PPP1R12B: variants seen among roughly 807,000 people sequenced by gnomAD.
PPP1R12B encodes protein phosphatase 1 regulatory subunit 12B.
In PPP1R12B, 76 loss-of-function variants were observed where a neutral mutation model predicts 126.1. That is an observed-to-expected ratio of 0.60 (90% CI 0.50 to 0.73). The LOEUF is 0.73. Ranked by LOEUF, PPP1R12B falls within the 30% of genes least tolerant of loss-of-function variation. The pLI, the probability that PPP1R12B is intolerant of heterozygous loss-of-function variation, is 0.00. For synonymous variants in PPP1R12B, 356 were observed against 434.7 expected, an observed-to-expected ratio of 0.82 and a Z score of 2.25; for missense variants, 1,052 against 1,205.1, an observed-to-expected ratio of 0.87 and a Z score of 1.88.
chr1:202,363,248 A>G (rs1235133639), intron 1 of PPP1R12B, among the ~76,000 whole-genome samples: 1 of 152,216 alleles, frequency 6.6e-6, no homozygotes, highest in Non-Finnish European at 1.5e-5. Flanking sequence ...CAAACATGGC[A>G]TACAACTGTG....
At chr1:202,461,441 A>G (rs1674301045) in intron 13 of PPP1R12B, among the ~76,000 whole-genome samples, 1 of 152,186 alleles carries the variant, frequency 6.6e-6, no homozygotes, top group Non-Finnish European at 1.5e-5. Context: ...CTACAAAACA[A>G]TTTAGAGATA....
intron 23 of PPP1R12B, among the ~76,000 whole-genome samples, chr1:202,571,881 G>A (rs1688645812): frequency 6.6e-6 from 1 of 152,162 alleles, no homozygotes; most frequent in Middle Eastern, 3.4e-3. Flanking sequence ...AACACTATTT[G>A]CTCAAATCAA....
At chr1:202,426,536 C>CAGA (rs1669534457) in intron 4 of PPP1R12B, among the ~76,000 whole-genome samples, 1 of 152,126 alleles carries the variant, frequency 6.6e-6, no homozygotes, top group Non-Finnish European at 1.5e-5. Flanking sequence ...AAAGACCAAC[C>CAGA]AGAAGGCTAG....
chr1:202,428,900 T>G lies in PPP1R12B; in HGVS notation c.892T>G (p.Leu298Val), dbSNP rs934145947. The G allele has an allele frequency of 2.7e-5, 43 of 1,608,240 alleles. 1 individual carries two copies. Among genetic ancestry groups the G allele is most frequent in the Admixed American group, 1.7e-5 (1 of 58,500 alleles). ...GGCTGATGAGGGTCTCGTGGAGCAT[T>G]TGGAGTTGCTCCAGAAGAAGCAGAA... Reference protein sequence around the residue: ...DVADEGLVEHLELLQKKQNVL... With the variant: ...DVADEGLVEHVELLQKKQNVL... Residue 298 changes from leucine (L) to valine (V), a missense_variant, in exon 6 of 24, where the codon TTG (leucine) becomes GTG (valine). Transcript: ENST00000608999.
chr1:202,517,934 A>AT (rs549082034), intron 18 of PPP1R12B, among the ~76,000 whole-genome samples: 489 of 152,224 alleles, frequency 3.2e-3, no homozygotes, highest in Non-Finnish European at 5.5e-3. Context: ...CCAAAGTAAC[A>AT]TTTTTTTACC....
intron 1 of PPP1R12B, among the ~76,000 whole-genome samples, chr1:202,377,334 G>A (rs1239243481): frequency 1.4e-5 from 2 of 144,470 alleles, no homozygotes; most frequent in Non-Finnish European, 3.0e-5. Flanking sequence ...TTTTTTTTTC[G>A]CTCTGTCGCC....
rs200232876 is a variant in PPP1R12B, at chr1:202,559,570, A to G, written c.2507+677A>G. Among the ~76,000 whole-genome samples the G allele has an allele frequency of 2.6e-5, 4 of 152,236 alleles. No individual in the cohort carries two copies. The East Asian group carries it at 5.8e-4, about 22-fold the overall frequency. On this transcript the variant is annotated intron_variant, in intron 19 of 23. Transcript: ENST00000608999. ...TCTGAAAGAAGAAACTAAATAAAAAATAATAGACTATAGAGCCAAAAGTTG... is the reference window on the plus strand; with the variant it reads ...TCTGAAAGAAGAAACTAAATAAAAAGTAATAGACTATAGAGCCAAAAGTTG...
chr1:202,582,946 C>T lies in PPP1R12B; in HGVS notation c.*2386C>T, dbSNP rs1689632991. 6.6e-6 allele frequency: 1 copy of T among 152,050 alleles called. No homozygotes were observed. The highest frequency in any genetic ancestry group is 1.5e-5 in the Non-Finnish European group (1 of 67,996). 9.4% of individuals were successfully genotyped at this position (152,050 alleles called of 1,614,324 possible). A position where few individuals can be genotyped will look rare whatever the true frequency, so the allele number is the denominator to read the frequency against. On this transcript the variant is annotated 3_prime_UTR_variant, in exon 24 of 24. Transcript: ENST00000608999. ...AATTACAGAACAGGAGATATGTTTC[C>T]TCTGACAAAACCCCATTTTTAGAGT...
Position 202,495,488 on chromosome 1 carries a change from T to C in PPP1R12B, c.2335+6T>C. 1.2e-6 allele frequency: 2 copies of C among 1,607,216 alleles called. No individual in the cohort carries two copies. Among genetic ancestry groups the C allele is most frequent in the South Asian group, 1.1e-5 (1 of 90,274 alleles). ...AAAGGAAATGGACAAAAATGGTATG[T>C]AGAACTTCAAAAGACACAGGCCCCT... On this transcript the variant is annotated splice_donor_region_variant and intron_variant, in intron 16 of 23. Transcript: ENST00000608999.
chr1:202,536,162 G>A (rs773733614), intron 18 of PPP1R12B, among the ~76,000 whole-genome samples: 3 of 152,126 alleles, frequency 2.0e-5, no homozygotes, highest in East Asian at 1.9e-4. Flanking sequence ...ATATGGTCAC[G>A]AGTCCCTTAA....
At chr1:202,432,240 CTAT>C (rs1245807201) in intron 8 of PPP1R12B, among the ~76,000 whole-genome samples, 1 of 151,690 alleles carries the variant, frequency 6.6e-6, no homozygotes, top group Non-Finnish European at 1.5e-5. Flanking sequence ...ACCTTTATGG[CTAT>C]TATTGATAAT....
chr1:202,349,400 G>A (rs1266166106), intron 1 of PPP1R12B, among the ~76,000 whole-genome samples: 2 of 152,128 alleles, frequency 1.3e-5, no homozygotes, highest in African/African-American at 2.4e-5. Context: ...TGTTGTCATG[G>A]TTACTGGTGA....
chr1:202,442,115 C>T (rs1293187875), intron 11 of PPP1R12B, among the ~76,000 whole-genome samples: 1 of 152,130 alleles, frequency 6.6e-6, no homozygotes, highest in African/African-American at 2.4e-5. Context: ...TCCCAAAGTG[C>T]TGGAATTATA....
At chr1:202,541,481 T>G (rs569010565) in intron 18 of PPP1R12B, among the ~76,000 whole-genome samples, 2 of 152,310 alleles carry the variant, frequency 1.3e-5, no homozygotes, top group South Asian at 4.1e-4. Flanking sequence ...TGGTACCTTT[T>G]TTTCCCAAGG....
intron 11 of PPP1R12B, 145 bp downstream of exon 11, chr1:202,440,933 T>C (rs1191123633): frequency 3.2e-6 from 2 of 627,430 alleles, no homozygotes; most frequent in East Asian, 2.7e-5. Context: ...TTAGAACACC[T>C]CTCAACTCTT....
chr1:202,380,630 G>C (rs934044909), intron 1 of PPP1R12B, among the ~76,000 whole-genome samples: 18 of 152,272 alleles, frequency 1.2e-4, no homozygotes, highest in African/African-American at 4.3e-4. Flanking sequence ...TGTCTTCTCA[G>C]TGTCAATAGA....
intron 18 of PPP1R12B, among the ~76,000 whole-genome samples, chr1:202,523,768 G>T (rs538383673): frequency 1.3e-5 from 2 of 152,120 alleles, no homozygotes; most frequent in African/African-American, 2.4e-5. Context: ...AGGATGGAGT[G>T]CATTGGCGCC....
chr1:202,588,859 A>ATAGC lies in PPP1R12B; in HGVS notation c.*8302_*8303insCTAG. On this transcript the variant is annotated 3_prime_UTR_variant, in exon 24 of 24. Transcript: ENST00000608999. ...GATAGATAGATAGATAGATAGATAG[A>ATAGC]TAGATAGATAGATATCAAGGTTCCA... is the stretch of plus-strand genomic sequence containing the variant. 6.9e-6 allele frequency: 1 copy of ATAGC among 145,784 alleles called. No individual in the cohort carries two copies. Among genetic ancestry groups the ATAGC allele is most frequent in the South Asian group, 2.1e-4 (1 of 4,758 alleles). 9.0% of individuals were successfully genotyped at this position (145,784 alleles called of 1,614,324 possible).
At chr1:202,578,758 A>G (rs542263027) in intron 23 of PPP1R12B, among the ~76,000 whole-genome samples, 6 of 152,368 alleles carry the variant, frequency 3.9e-5, no homozygotes, top group African/African-American at 1.4e-4. Flanking sequence ...AGTCCCTACC[A>G]TACGAGAGAG....
Sources: gnomAD v4.1 joint callset for allele counts (sites outside exome capture counted in the v4.1 genomes callset) on GRCh38, gnomAD v4.1.1 for gene constraint, MANE v1.5 for transcripts, NCBI Gene and HGNC (gene_info 2026-07-23, HGNC 2026-07-21) for gene names.